The following VSNL1 variants were observed in gnomAD, a reference collection of about 807,000 sequenced individuals.
VSNL1 encodes visinin like 1, also known as visinin-like protein 1.
In VSNL1, 6 loss-of-function variants were observed where a neutral mutation model predicts 20.4. That is an observed-to-expected ratio of 0.29 (90% confidence interval 0.16 to 0.58). VSNL1 has a LOEUF of 0.58. Among genes scored for constraint, VSNL1 ranks in the 20% least tolerant of loss-of-function variants. The pLI, the probability that VSNL1 is intolerant of heterozygous loss-of-function variation, is 0.90. For missense variants in VSNL1, 100 were observed against 234.5 expected (o/e 0.43, Z 3.75); for synonymous variants, 93 against 86.4 (o/e 1.08, Z -0.42).
At chr2:17,650,047 T>C (rs1004951085) in intron 3 of VSNL1, among the ~76,000 whole-genome samples, 2 of 152,204 alleles carry the variant, frequency 1.3e-5, no homozygotes, top group Admixed American at 1.3e-4. Flanking sequence ...CTTTGCCCAT[T>C]GTGTTTGTGA....
At chr2:17,560,509 T>G (rs918408050) in intron 1 of VSNL1, among the ~76,000 whole-genome samples, 4 of 152,180 alleles carry the variant, frequency 2.6e-5, no homozygotes, top group Admixed American at 2.6e-4. Context: ...GCATTTCAAT[T>G]CAGCAGGAAG....
intron 2 of VSNL1, among the ~76,000 whole-genome samples, chr2:17,610,602 C>G (rs1378650457): frequency 6.6e-6 from 1 of 152,148 alleles, no homozygotes. Flanking sequence ...ATTTCTCAGC[C>G]ACTCTAAAAA....
intron 2 of VSNL1, among the ~76,000 whole-genome samples, chr2:17,644,662 T>C (rs1161013112): frequency 8.5e-5 from 13 of 152,114 alleles, no homozygotes. Context: ...CCCAGAAAAA[T>C]GACCCTCCTG....
chr2:17,644,431 G>A (rs894161288), intron 2 of VSNL1, among the ~76,000 whole-genome samples: 10 of 152,202 alleles, frequency 6.6e-5, no homozygotes, highest in South Asian at 4.1e-4. Context: ...AGAGCAGCCT[G>A]ACAGTGCACG....
chr2:17,583,256 C>T (rs892583280), intron 1 of VSNL1, among the ~76,000 whole-genome samples: 2 of 152,220 alleles, frequency 1.3e-5, no homozygotes, highest in Non-Finnish European at 2.9e-5. Flanking sequence ...CAATGCCTAA[C>T]CCTGTGACAG....
rs565809093 is a variant in VSNL1, at chr2:17,651,629, G to A, written c.378+2004G>A. On this transcript the variant is annotated intron_variant, in intron 3 of 3. Coordinates refer to ENST00000295156, the MANE Select transcript of VSNL1 (RefSeq NM_003385.5). ...TTTGGTGTGAGACCTGACTGTGAGG[G>A]CTGGGCCAGCTCCCGGCAGCACCAA... Among the ~76,000 whole-genome samples the A allele has an allele frequency of 2.6e-5, 4 of 152,316 alleles. No individual in the cohort carries two copies. In the South Asian group the frequency reaches 8.3e-4, roughly 32 times the overall value.
intron 2 of VSNL1, among the ~76,000 whole-genome samples, chr2:17,637,149 G>A (rs996556927): frequency 6.6e-6 from 1 of 152,156 alleles, no homozygotes; most frequent in African/African-American, 2.4e-5. Context: ...GGGAAGGCTG[G>A]GAGAACTCTC....
intron 1 of VSNL1, among the ~76,000 whole-genome samples, chr2:17,575,948 T>C (rs1019573828): frequency 6.6e-6 from 1 of 152,212 alleles, no homozygotes; most frequent in African/African-American, 2.4e-5. Context: ...TTGTAAATTA[T>C]AGGAATATGC....
At position 17,649,434 on chromosome 2, in the gene VSNL1, A is replaced by G. The variant is rs1666075878; in HGVS notation, c.187A>G (p.Lys63Glu). 1.2e-6 allele frequency: 2 copies of G among 1,614,048 alleles called. No individual in the cohort carries two copies. The highest frequency in any genetic ancestry group is 1.7e-5 in the Admixed American group (1 of 59,996). The change falls in exon 3 of 4, where the codon AAG becomes GAG. Residue 63 changes from lysine (K) to glutamate (E), a missense_variant. Physicochemically the swap from Lys to Glu is moderately conservative, Grantham distance 56. Transcript: ENST00000295156. The surrounding 1 kb of genome is among the most constrained non-coding windows in gnomAD (Gnocchi z 6.4). The stretch of plus-strand genomic sequence containing the variant: ...GTTCTTTCCTTATGGAGACGCCTCC[A>G]AGTTTGCCCAGCATGCCTTCCGAAC... ...VKFFPYGDAS[K>E]FAQHAFRTFD...
chr2:17,566,340 A>G (rs1229226175), intron 1 of VSNL1, among the ~76,000 whole-genome samples: 1 of 152,188 alleles, frequency 6.6e-6, no homozygotes, highest in East Asian at 1.9e-4. Flanking sequence ...CTCTACAGAA[A>G]ATATACCAAT....
chr2:17,606,936 G>T (rs570793883), intron 2 of VSNL1, among the ~76,000 whole-genome samples: 3 of 152,118 alleles, frequency 2.0e-5, no homozygotes, highest in Non-Finnish European at 4.4e-5. Flanking sequence ...GGATTTTATC[G>T]TGTCTGTGTG....
chr2:17,612,556 G>A (rs1665115523), intron 2 of VSNL1, among the ~76,000 whole-genome samples: 1 of 152,228 alleles, frequency 6.6e-6, no homozygotes, highest in African/African-American at 2.4e-5. Context: ...GTCATCTACA[G>A]AAGAGGCCAG....
At chr2:17,625,190 A>C (rs1449945874) in intron 2 of VSNL1, among the ~76,000 whole-genome samples, 1 of 152,148 alleles carries the variant, frequency 6.6e-6, no homozygotes, top group African/African-American at 2.4e-5. Flanking sequence ...CTTCCACCAT[A>C]ATTGTGAGGC....
At chr2:17,638,990 G>C (rs1291732550) in intron 2 of VSNL1, among the ~76,000 whole-genome samples, 1 of 152,148 alleles carries the variant, frequency 6.6e-6, no homozygotes, top group Non-Finnish European at 1.5e-5. Context: ...TTATGTTCTT[G>C]CTCTTTGTGC....
chr2:17,656,316 T>C lies in VSNL1; in HGVS notation c.*922T>C, dbSNP rs924554043. On this transcript the variant is annotated 3_prime_UTR_variant, in exon 4 of 4. Transcript: ENST00000295156. ...ACAACAAAAGGGAAAAAAGCAACTT[T>C]CCAACTTTTCATCCAGGCTCCCAAA... The C allele has an allele frequency of 6.6e-6, 1 of 152,158 alleles. No individual in the cohort carries two copies. Among genetic ancestry groups the C allele is most frequent in the African/African-American group, 2.4e-5 (1 of 41,438 alleles). 9.4% of individuals were successfully genotyped at this position (152,158 alleles called of 1,614,324 possible).
At position 17,558,744 on chromosome 2, in the gene VSNL1, G is replaced by C. The variant is rs1450285236; in HGVS notation, c.-6+17826G>C. Among the ~76,000 whole-genome samples, 6 of 152,148 alleles carry C rather than the reference G, an allele frequency of 3.9e-5. No individual in the cohort carries two copies. The East Asian group carries it at 1.2e-3, about 29-fold the overall frequency. Reference sequence around the variant, plus strand: ...TTATTTAAAATTCAAAGGTCTTGAGGTCATAACCAGAATTCTGATATCAAA... The same window carrying C: ...TTATTTAAAATTCAAAGGTCTTGAGCTCATAACCAGAATTCTGATATCAAA... On this transcript the variant is annotated intron_variant, in intron 1 of 3. Coordinates refer to ENST00000295156, the MANE Select transcript of VSNL1 (RefSeq NM_003385.5).
chr2:17,645,519 GTGTT>G (rs1326228720), intron 2 of VSNL1, among the ~76,000 whole-genome samples: 1 of 152,274 alleles, frequency 6.6e-6, no homozygotes, highest in East Asian at 1.9e-4. Flanking sequence ...GAGAGGCACA[GTGTT>G]TGTAGATCAT....
chr2:17,589,295 A>T (rs940845894), intron 1 of VSNL1, among the ~76,000 whole-genome samples: 1 of 152,220 alleles, frequency 6.6e-6, no homozygotes, highest in Admixed American at 6.5e-5. Flanking sequence ...GAAAACGAGG[A>T]TATAAGTAGG....
In VSNL1 at chr2:17,553,391, C is replaced by A. The variant is rs139304844; in HGVS notation, c.-6+12473C>A. ...TTATAAAATATCTTTAACTTCATAC[C>A]GATTAAAACTAATAGAAAAATTAAA... On this transcript the variant is annotated intron_variant, in intron 1 of 3. Transcript: ENST00000295156. Among the ~76,000 whole-genome samples the A allele has an allele frequency of 7.9e-3, 1,203 of 151,952 alleles. 8 individuals are homozygous for A. The highest frequency in any genetic ancestry group is 0.024 in the Middle Eastern group (7 of 294).
Sources: allele counts gnomAD v4.1 joint callset (sites outside exome capture counted in the v4.1 genomes callset), GRCh38; gene constraint gnomAD v4.1.1; non-coding constraint Gnocchi (gnomAD v3.1); transcripts MANE v1.5; gene names NCBI Gene and HGNC (gene_info 2026-07-23, HGNC 2026-07-21).